TNIK: variants seen among roughly 807,000 people sequenced by gnomAD.
TNIK encodes TRAF2 and NCK interacting kinase.
A neutral mutation model predicts 191.3 loss-of-function variants in TNIK; 49 were observed. That is an observed-to-expected ratio of 0.26 (90% CI 0.20 to 0.32). The LOEUF (loss-of-function observed/expected upper bound fraction) is 0.32, where lower values mean the gene tolerates loss of function less well. Ranked by LOEUF, TNIK falls within the 10% of genes least tolerant of loss-of-function variation. The probability of loss-of-function intolerance (pLI) is 1.00; values close to 1 mark genes in which losing one functional copy is unlikely to be tolerated. For synonymous variants in TNIK, 594 were observed against 600.9 expected (o/e 0.99, Z 0.17); for missense variants, 1,155 against 1,702.3 (o/e 0.68, Z 5.66).
chr3:171,276,805 T>A (rs926040499), intron 2 of TNIK, among the ~76,000 whole-genome samples: 2 of 152,230 alleles, frequency 1.3e-5, no homozygotes, highest in African/African-American at 4.8e-5. Context: ...AGTAAACTTT[T>A]AAACTATGAA....
intron 1 of TNIK, among the ~76,000 whole-genome samples, chr3:171,411,321 A>T (rs1372594866): frequency 6.6e-6 from 1 of 151,984 alleles, no homozygotes; most frequent in Non-Finnish European, 1.5e-5. Flanking sequence ...ATGTTGGGAG[A>T]TTGAAAGTGG....
Position 171,211,067 on chromosome 3 carries a change from C to T in TNIK, c.306+49G>A, listed in dbSNP as rs191611935. ...AGGATAGAAAAATGAACCATTTGGCCGTGTTTGTTTTTTATGTAAATAAAG... is the reference window on the plus strand; with the variant it reads ...AGGATAGAAAAATGAACCATTTGGCTGTGTTTGTTTTTTATGTAAATAAAG... On this transcript the variant is annotated intron_variant, in intron 4 of 32. Transcript: ENST00000436636. The T allele has an allele frequency of 3.7e-5, 59 of 1,597,268 alleles. 1 individual carries two copies. The East Asian group carries it at 5.6e-4, about 15-fold the overall frequency.
chr3:171,098,470 G>C (rs1480048758), intron 22 of TNIK, among the ~76,000 whole-genome samples: 1 of 152,088 alleles, frequency 6.6e-6, no homozygotes, highest in Non-Finnish European at 1.5e-5. Context: ...TACTGCAACT[G>C]GTTAGTTGGG....
chr3:171,285,097 C>G (rs1042079952), intron 2 of TNIK, among the ~76,000 whole-genome samples: 8 of 152,038 alleles, frequency 5.3e-5, no homozygotes, highest in Non-Finnish European at 1.2e-4. Context: ...ATAGGTGGAC[C>G]CAGAATATTA....
At chr3:171,190,837 G>A (rs1178632838) in intron 5 of TNIK, 50 bp from the exon 6 acceptor site, 2 of 1,382,592 alleles carry the variant, frequency 1.4e-6, no homozygotes, top group Non-Finnish European at 2.0e-6. Flanking sequence ...AAGCCAAGAT[G>A]CCAATAAATT....
At chr3:171,126,223 G>T in intron 16 of TNIK, 72 bp from the exon 17 acceptor site, 3 of 1,355,664 alleles carry the variant, frequency 2.2e-6, no homozygotes, top group Non-Finnish European at 1.9e-6. Flanking sequence ...TCAGTGAGCT[G>T]AAGGAAAAAA....
chr3:171,407,867 A>G (rs891934161), intron 1 of TNIK, among the ~76,000 whole-genome samples: 2 of 152,174 alleles, frequency 1.3e-5, no homozygotes, highest in Admixed American at 6.5e-5. Context: ...CAGTCCAGAA[A>G]AAAAGACATT....
Position 171,082,286 on chromosome 3 carries a change from A to C in TNIK, c.3278T>G (p.Val1093Gly), listed in dbSNP as rs530729557. 1.2e-6 allele frequency: 2 copies of C among 1,613,734 alleles called. No homozygotes were observed. The highest frequency in any genetic ancestry group is 1.6e-4 in the Middle Eastern group (1 of 6,062). The stretch of plus-strand genomic sequence containing the variant: ...CACAAGGACATTCAGTCCCTCTAGC[A>C]CATCCATCTGCTGAAATCGCCTCCG... ...INRRRFQQMD[V>G]LEGLNVLVTI... Residue 1093 changes from valine (V) to glycine (G), a missense_variant, in exon 27 of 33, where the codon GTG becomes GGG. Physicochemically the swap from Val to Gly is moderately radical, Grantham distance 109. This residue lies in a region of TNIK where 195 missense variants were observed against 415.4 expected (regional missense o/e 0.47). Coordinates refer to ENST00000436636, the MANE Select transcript of TNIK (RefSeq NM_015028.4).
chr3:171,350,820 G>T (rs1713044241), intron 2 of TNIK, among the ~76,000 whole-genome samples: 1 of 152,106 alleles, frequency 6.6e-6, no homozygotes, highest in East Asian at 1.9e-4. Context: ...AAGAGGTTAA[G>T]CAATGAAGCC....
At chr3:171,148,190 C>CA (rs1435500016) in intron 12 of TNIK, among the ~76,000 whole-genome samples, 1 of 152,144 alleles carries the variant, frequency 6.6e-6, no homozygotes, top group African/African-American at 2.4e-5. Context: ...GCTCACAGGC[C>CA]AACTTTTGAT....
At chr3:171,383,010 AG>A (rs1402789063) in intron 1 of TNIK, among the ~76,000 whole-genome samples, 8 of 152,232 alleles carry the variant, frequency 5.3e-5, no homozygotes, top group African/African-American at 1.9e-4. Flanking sequence ...TATTTTGCAA[AG>A]GTTATTTTAT....
At chr3:171,372,373 T>C (rs1332895355) in intron 1 of TNIK, among the ~76,000 whole-genome samples, 1 of 152,226 alleles carries the variant, frequency 6.6e-6, no homozygotes, top group Non-Finnish European at 1.5e-5. Flanking sequence ...TCATATCAGA[T>C]GGGTTCCCCA....
intron 2 of TNIK, among the ~76,000 whole-genome samples, chr3:171,252,870 G>A (rs1163484358): frequency 6.6e-6 from 1 of 152,074 alleles, no homozygotes; most frequent in Non-Finnish European, 1.5e-5. Context: ...ATGTAAGACA[G>A]GAAAAATGGG....
intron 15 of TNIK, among the ~76,000 whole-genome samples, chr3:171,132,060 G>A (rs1729382557): frequency 3.3e-5 from 5 of 152,194 alleles, no homozygotes; most frequent in Admixed American, 3.3e-4. Context: ...GCCTGAGGAT[G>A]TTCAAAAAAG....
chr3:171,316,348 G>C (rs772920087), intron 2 of TNIK, among the ~76,000 whole-genome samples: 1 of 152,182 alleles, frequency 6.6e-6, no homozygotes, highest in Non-Finnish European at 1.5e-5. Context: ...GGCCAACAAG[G>C]AGGAATAGAG....
At chr3:171,285,701 G>A (rs978257985) in intron 2 of TNIK, among the ~76,000 whole-genome samples, 1 of 152,106 alleles carries the variant, frequency 6.6e-6, no homozygotes, top group Non-Finnish European at 1.5e-5. Flanking sequence ...CCTCCATTCT[G>A]CCTTCCATTA....
intron 1 of TNIK, among the ~76,000 whole-genome samples, chr3:171,450,058 A>C (rs1399568559): frequency 1.3e-5 from 2 of 152,154 alleles, no homozygotes; most frequent in Non-Finnish European, 2.9e-5. Flanking sequence ...AAAATTAAAC[A>C]AATTTTTAAC....
chr3:171,212,554 G>A (rs1056381529), intron 3 of TNIK, among the ~76,000 whole-genome samples: 1 of 152,106 alleles, frequency 6.6e-6, no homozygotes. Flanking sequence ...GCCCAGTTTG[G>A]TTCTAGCCCC....
At chr3:171,143,327 A>C (rs901244618) in intron 12 of TNIK, among the ~76,000 whole-genome samples, 1 of 152,204 alleles carries the variant, frequency 6.6e-6, no homozygotes, top group African/African-American at 2.4e-5. Flanking sequence ...GGGATATAAA[A>C]AAAACATATC....
Sources: gnomAD v4.1 joint callset for allele counts (sites outside exome capture counted in the v4.1 genomes callset) on GRCh38, gnomAD v4.1.1 for gene constraint, gnomAD v4.1.1 regional missense constraint, MANE v1.5 for transcripts, NCBI Gene and HGNC (gene_info 2026-07-23, HGNC 2026-07-21) for gene names.